The following B4GALNT1 variants were observed in gnomAD, a reference collection of about 807,000 sequenced individuals.
B4GALNT1 encodes the protein beta-1,4-N-acetyl-galactosaminyltransferase 1.
B4GALNT1 carries 43 observed loss-of-function variants against 55.2 expected under a neutral mutation model. The observed-to-expected ratio is 0.78, with a 90% CI of 0.61 to 1.00. The LOEUF is 1.00. Among genes scored for constraint, B4GALNT1 ranks in the 50% least tolerant of loss-of-function variants. The probability of loss-of-function intolerance (pLI) is 0.00; values close to 1 mark genes in which losing one functional copy is unlikely to be tolerated. For missense variants in B4GALNT1, 664 were observed against 729.7 expected, an observed-to-expected ratio of 0.91 and a Z score of 1.04; for synonymous variants, 305 against 311.6, an observed-to-expected ratio of 0.98 and a Z score of 0.22.
intron 2 of B4GALNT1, among the ~76,000 whole-genome samples, 168 bp downstream of exon 2, chr12:57,631,747 C>A (rs1294806421): frequency 1.3e-5 from 2 of 152,208 alleles, no homozygotes; most frequent in African/African-American, 4.8e-5. Context: ...TCAGGGAGAA[C>A]AGATTTTCCC....
intron 10 of B4GALNT1, 58 bp downstream of exon 10, chr12:57,627,560 G>A (rs908389520): frequency 3.3e-6 from 5 of 1,523,284 alleles, no homozygotes; most frequent in Non-Finnish European, 4.4e-6. Context: ...GCGCGTGACC[G>A]TGCGCCAGCT....
intron 9 of B4GALNT1, 62 bp downstream of exon 9, chr12:57,628,060 G>T: frequency 6.3e-7 from 1 of 1,591,892 alleles, no homozygotes. Flanking sequence ...CAGCGCCCCC[G>T]CTGTGGCCTT....
At position 57,624,036 on chromosome 12, in the gene B4GALNT1, C is replaced by A. The variant is rs778350445; in HGVS notation, c.*2708G>T. 2 of 1,612,148 alleles carry A rather than the reference C, an allele frequency of 1.2e-6. No homozygotes were observed. The highest frequency in any genetic ancestry group is 1.7e-4 in the Middle Eastern group (1 of 6,052). On this transcript the variant is annotated 3_prime_UTR_variant, in exon 11 of 11. Coordinates refer to ENST00000341156, the MANE Select transcript of B4GALNT1 (RefSeq NM_001478.5). ...GGCTTGCATCAACATCTCCAGCATGCGCCAGGTGTTCTGCCAGATGCAGGA... is the reference window on the plus strand; with the variant it reads ...GGCTTGCATCAACATCTCCAGCATGAGCCAGGTGTTCTGCCAGATGCAGGA...
Position 57,626,792 on chromosome 12 carries a change from G to A in B4GALNT1, c.1554C>T (p.His518=), listed in dbSNP as rs781519723. The A allele has an allele frequency of 6.2e-7, 1 of 1,614,242 alleles. No homozygotes were observed. Among genetic ancestry groups the A allele is most frequent in the East Asian group, 2.2e-5 (1 of 44,882 alleles). Residue 518 remains histidine (H), a synonymous_variant, in exon 11 of 11, where the codon CAC becomes CAT. Transcript: ENST00000341156. The stretch of plus-strand genomic sequence containing the variant: ...GCCGGTGTTTGAAGAAGAGCAGCCG[G>A]TGTTTGGCCATCTGGCTCTCGTCCA... ...GSLDESQMAK[H]RLLFFKHRLQ...
Position 57,630,654 on chromosome 12 carries a change from T to G in B4GALNT1, c.491-136A>C, listed in dbSNP as rs766552309. The G allele has an allele frequency of 4.6e-6, 5 of 1,079,950 alleles. No homozygotes were observed. In the African/African-American group the frequency reaches 4.8e-5, roughly 10 times the overall value. 66.9% of individuals were successfully genotyped at this position (1,079,950 alleles called of 1,614,324 possible). A position where few individuals can be genotyped will look rare whatever the true frequency, so the allele number is the denominator to read the frequency against. On this transcript the variant is annotated intron_variant, in intron 4 of 10. Transcript: ENST00000341156. ...TTATTGAGGCCTCAGCAGGGCACAC[T>G]GTATAACATAGCCTACAGTGACTGA...
Position 57,626,860 on chromosome 12 carries a change from C to T in B4GALNT1, c.1486G>A (p.Ala496Thr). 4 of 1,614,194 alleles carry T rather than the reference C, an allele frequency of 2.5e-6. No homozygotes were observed. The highest frequency in any genetic ancestry group is 2.2e-5 in the South Asian group (2 of 91,082). ...KLKLPWTSRD[A>T]GAETYARYRY... ...TACCGGGCGTAAGTCTCTGCTCCGG[C>T]ATCCCTTGATGTCCAAGGCAGCTTC... The change falls in exon 11 of 11, where the codon GCC becomes ACC. Residue 496 changes from alanine to threonine, a missense_variant. Coordinates refer to ENST00000341156, the MANE Select transcript of B4GALNT1 (RefSeq NM_001478.5).
Position 57,629,048 on chromosome 12 carries a change from C to G in B4GALNT1, c.811G>C (p.Ala271Pro). Residue 271 changes from alanine (A) to proline (P), a missense_variant and splice_region_variant, in exon 7 of 11, where the codon GCC (alanine) becomes CCC (proline). Transcript: ENST00000341156. ...LYPPGSLPQGAQYNISALVTI... is the reference protein window; with the variant it reads ...LYPPGSLPQGPQYNISALVTI... Reference sequence around the variant, plus strand: ...ATGTCCCTGCCCCTACCAGCCTCACCTCCCTGGGGTAGAGACCCAGGTGGG... The same window carrying G: ...ATGTCCCTGCCCCTACCAGCCTCACGTCCCTGGGGTAGAGACCCAGGTGGG... 1.3e-6 allele frequency: 2 copies of G among 1,583,666 alleles called. No individual in the cohort carries two copies. The highest frequency in any genetic ancestry group is 1.7e-6 in the Non-Finnish European group (2 of 1,160,328).
Position 57,624,783 on chromosome 12 carries a change from G to A in B4GALNT1, c.*1961C>T, listed in dbSNP as rs1383583782. ...ACAGAGCTCTACAGACCACTCAGAGGAAGCCCCAGGGTGGGTGGGCTGCAG... is the reference window on the plus strand; with the variant it reads ...ACAGAGCTCTACAGACCACTCAGAGAAAGCCCCAGGGTGGGTGGGCTGCAG... On this transcript the variant is annotated 3_prime_UTR_variant, in exon 11 of 11. Coordinates refer to ENST00000341156, the MANE Select transcript of B4GALNT1 (RefSeq NM_001478.5). 1.6e-6 allele frequency: 2 copies of A among 1,286,818 alleles called. No individual in the cohort carries two copies. The highest frequency in any genetic ancestry group is 2.3e-6 in the Non-Finnish European group (2 of 882,020). 79.7% of individuals were successfully genotyped at this position (1,286,818 alleles called of 1,614,324 possible).
chr12:57,630,616 C>T (rs1187241189), intron 4 of B4GALNT1, 98 bp from the exon 5 acceptor site: 1 of 1,373,494 alleles, frequency 7.3e-7, no homozygotes, highest in Non-Finnish European at 9.9e-7. Flanking sequence ...AGAGAACTTT[C>T]CACCTATTCT....
At position 57,623,954 on chromosome 12, in the gene B4GALNT1, G is replaced by T; in HGVS notation, c.*2790C>A. On this transcript the variant is annotated 3_prime_UTR_variant, in exon 11 of 11. Transcript: ENST00000341156. ...GGCATGAGCATGGCTGGGAGGGGTAGCTGTATTCCAGGACATCGAGGTAGT... is the reference window on the plus strand; with the variant it reads ...GGCATGAGCATGGCTGGGAGGGGTATCTGTATTCCAGGACATCGAGGTAGT... The T allele has an allele frequency of 3.7e-6, 6 of 1,613,284 alleles. No homozygotes were observed. The highest frequency in any genetic ancestry group is 5.1e-6 in the Non-Finnish European group (6 of 1,179,516).
chr12:57,629,159 G>A lies in B4GALNT1; in HGVS notation c.713-13C>T. The A allele has an allele frequency of 6.4e-7, 1 of 1,566,242 alleles. No homozygotes were observed. The highest frequency in any genetic ancestry group is 2.3e-5 in the East Asian group (1 of 44,208). ...GTGGAGAACCGGACTGGGAAGAAAGGACATGGCATTTGACCCTGAAGGGTG... is the reference window on the plus strand; with the variant it reads ...GTGGAGAACCGGACTGGGAAGAAAGAACATGGCATTTGACCCTGAAGGGTG... On this transcript the variant is annotated splice_polypyrimidine_tract_variant and intron_variant, in intron 6 of 10. Coordinates refer to ENST00000341156, the MANE Select transcript of B4GALNT1 (RefSeq NM_001478.5).
intron 9 of B4GALNT1, 126 bp downstream of exon 9, chr12:57,627,994 TCC>T: frequency 6.7e-7 from 1 of 1,487,720 alleles, no homozygotes. Context: ...CCCAGACAGT[TCC>T]CAGGCCCCAC....
At chr12:57,627,529 G>T in intron 10 of B4GALNT1, 89 bp downstream of exon 10, 1 of 1,462,600 alleles carries the variant, frequency 6.8e-7, no homozygotes, top group South Asian at 1.4e-5. Context: ...GGCTGGGCGC[G>T]GGTGCAGCCT....
In B4GALNT1 at chr12:57,623,720, A is replaced by T. The variant is rs1320514082; in HGVS notation, c.*3024T>A. 1.2e-6 allele frequency: 1 copy of T among 839,044 alleles called. No individual in the cohort carries two copies. The highest frequency in any genetic ancestry group is 1.9e-6 in the Non-Finnish European group (1 of 532,334). The allele number at this position is 839,044 out of a possible 1,614,324, so 52.0% of individuals were successfully genotyped here. On this transcript the variant is annotated 3_prime_UTR_variant, in exon 11 of 11. Coordinates refer to ENST00000341156, the MANE Select transcript of B4GALNT1 (RefSeq NM_001478.5). ...TAAGAAGGGGGTTGTGTGGAAGGAGATTTGGGAGAAGGGAGACTTCCGAGG... is the reference window on the plus strand; with the variant it reads ...TAAGAAGGGGGTTGTGTGGAAGGAGTTTTGGGAGAAGGGAGACTTCCGAGG...
intron 8 of B4GALNT1, 32 bp downstream of exon 8, chr12:57,628,681 C>T: frequency 6.2e-7 from 1 of 1,613,016 alleles, no homozygotes. Flanking sequence ...CGGGAGTCCT[C>T]TGGCCTGCCG....
rs778741248 is a variant in B4GALNT1 at position 57,631,975 on chromosome 12, T to G, written c.158A>C (p.Asp53Ala). ...TGCGTAGCGGGGCTCAGGAGCAAGA[T>G]CTGGCAGCTCGGGCCTGCGGGGGCT... ...PQSPRRPELP[D>A]LAPEPRYAHI... Residue 53 changes from aspartate to alanine, a missense_variant, in exon 2 of 11, where the codon GAT (aspartate) becomes GCT (alanine). Coordinates refer to ENST00000341156, the MANE Select transcript of B4GALNT1 (RefSeq NM_001478.5). The G allele has an allele frequency of 1.4e-6, 2 of 1,457,432 alleles. No homozygotes were observed. The highest frequency in any genetic ancestry group is 3.0e-5 in the South Asian group (2 of 65,758). The allele number at this position is 1,457,432 out of a possible 1,614,324, so 90.3% of individuals were successfully genotyped here.
At chr12:57,631,451 T>C in intron 2 of B4GALNT1, 87 bp from the exon 3 acceptor site, 2 of 1,462,358 alleles carry the variant, frequency 1.4e-6, no homozygotes, top group Non-Finnish European at 9.4e-7. Flanking sequence ...CCCCACACCT[T>C]GGCCCTGCAA....
In B4GALNT1 at chr12:57,623,693, A is replaced by T. The variant is rs1243765057; in HGVS notation, c.*3051T>A. On this transcript the variant is annotated 3_prime_UTR_variant, in exon 11 of 11. Coordinates refer to ENST00000341156, the MANE Select transcript of B4GALNT1 (RefSeq NM_001478.5). ...GAGGGTTAGATGTGAATGGCAGAAT[A>T]TTAAGAAGGGGGTTGTGTGGAAGGA... 2 of 667,900 alleles carry T rather than the reference A, an allele frequency of 3.0e-6. No homozygotes were observed. The highest frequency in any genetic ancestry group is 3.6e-5 in the African/African-American group (2 of 55,678). 41.4% of individuals were successfully genotyped at this position (667,900 alleles called of 1,614,324 possible).
rs140984150 is a variant in B4GALNT1 at position 57,630,769 on chromosome 12, C to G, written c.490+211G>C. Among the ~76,000 whole-genome samples, 237 of 152,308 alleles carry G rather than the reference C, an allele frequency of 1.6e-3. 1 individual carries two copies. The highest frequency in any genetic ancestry group is 3.3e-3 in the Admixed American group (50 of 15,306). On this transcript the variant is annotated intron_variant, in intron 4 of 10. Coordinates refer to ENST00000341156, the MANE Select transcript of B4GALNT1 (RefSeq NM_001478.5). ...TAGTCAGCAAAGAATAGATTATTTC[C>G]CCCAAAACTCCCCAGTTACAGTCTT...
Sources: allele counts gnomAD v4.1 joint callset (sites outside exome capture counted in the v4.1 genomes callset), GRCh38; gene constraint gnomAD v4.1.1; transcripts MANE v1.5; gene names NCBI Gene and HGNC (gene_info 2026-07-23, HGNC 2026-07-21).